KLF16: variants seen among roughly 807,000 people sequenced by gnomAD.
KLF16 encodes the protein Krueppel-like factor 16.
KLF16 carries 6 observed loss-of-function variants against 6.1 expected under a neutral mutation model. That is an observed-to-expected ratio of 0.98 (90% confidence interval 0.54 to 1.93). The LOEUF (loss-of-function observed/expected upper bound fraction) is 1.93, where lower values mean the gene tolerates loss of function less well. Ranked by LOEUF, KLF16 falls within the 30% of genes most tolerant of loss-of-function variation. The probability of loss-of-function intolerance (pLI) is 0.01; values close to 1 mark genes in which losing one functional copy is unlikely to be tolerated. For missense variants in KLF16, 355 were observed against 363.8 expected (o/e 0.98, Z 0.20); for synonymous variants, 211 against 176.5 (o/e 1.20, Z -1.55).
chr19:1,875,092 C>G, the KLF16 span: 1 of 152,322 alleles, frequency 6.6e-6, no homozygotes, highest in African/African-American at 2.4e-5. Context: ...CCGGCCCCCT[C>G]TTATGCTGGT....
rs555508014 is a variant in KLF16 at position 1,854,153 on chromosome 19, G to T, written c.*306C>A. ...CCCCACCCCGGGAGGGGGGCAGCAGGGGGTGGTGGAGAGGAGAGGGGAGGA... is the reference window on the plus strand; with the variant it reads ...CCCCACCCCGGGAGGGGGGCAGCAGTGGGTGGTGGAGAGGAGAGGGGAGGA... On this transcript the variant is annotated 3_prime_UTR_variant, in exon 2 of 2. Coordinates refer to ENST00000250916, the MANE Select transcript of KLF16 (RefSeq NM_031918.4). 2 of 332,782 alleles carry T rather than the reference G, an allele frequency of 6.0e-6. No homozygotes were observed. The highest frequency in any genetic ancestry group is 5.0e-5 in the Admixed American group (1 of 19,944). The allele number at this position is 332,782 out of a possible 1,614,324, so 20.6% of individuals were successfully genotyped here. A position where few individuals can be genotyped will look rare whatever the true frequency, so the allele number is the denominator to read the frequency against.
chr19:1,856,811 G>A (rs1422908919), intron 1 of KLF16, among the ~76,000 whole-genome samples: 1 of 152,198 alleles, frequency 6.6e-6, no homozygotes, highest in African/African-American at 2.4e-5. Context: ...GGCACAGGCG[G>A]GGAGGCGGCA....
intron 1 of KLF16, among the ~76,000 whole-genome samples, chr19:1,855,236 C>T (rs1453944953): frequency 6.6e-6 from 1 of 152,224 alleles, no homozygotes; most frequent in Non-Finnish European, 1.5e-5. Context: ...TGATCCCCTC[C>T]TTTTCCAAAT....
chr19:1,871,669 G>T, the KLF16 span, among the ~76,000 whole-genome samples: 7 of 152,140 alleles, frequency 4.6e-5, no homozygotes, highest in Non-Finnish European at 1.0e-4. Flanking sequence ...TGGGGGGCGG[G>T]GGGGCAGCTG....
At chr19:1,870,457 A>C in the KLF16 span, among the ~76,000 whole-genome samples, 1 of 151,964 alleles carries the variant, frequency 6.6e-6, no homozygotes, top group Non-Finnish European at 1.5e-5. Context: ...GAATCGCTTA[A>C]GGCCAGGAGT....
upstream of KLF16, among the ~76,000 whole-genome samples, chr19:1,868,351 C>T (rs553469942): frequency 2.6e-5 from 4 of 151,654 alleles, no homozygotes; most frequent in Admixed American, 2.0e-4. Context: ...GTCAGGGTCT[C>T]GGCGACCCCT....
chr19:1,855,600 G>A (rs910970524), intron 1 of KLF16, among the ~76,000 whole-genome samples: 9 of 152,254 alleles, frequency 5.9e-5, no homozygotes, highest in African/African-American at 1.9e-4. Flanking sequence ...GTCACCATCT[G>A]GGCCTGCCTG....
chr19:1,866,635 C>T (rs1178193810), upstream of KLF16, among the ~76,000 whole-genome samples: 7 of 149,352 alleles, frequency 4.7e-5, 1 homozygote, highest in South Asian at 1.1e-3. Context: ...AATTAGCGGG[C>T]GCAGTGGCCT....
upstream of KLF16, among the ~76,000 whole-genome samples, chr19:1,864,381 C>A (rs1051286066): frequency 6.6e-6 from 1 of 152,210 alleles, no homozygotes; most frequent in Non-Finnish European, 1.5e-5. Flanking sequence ...CTCACAGAGC[C>A]CCTCGGAGCC....
In KLF16 at chr19:1,863,107, A is replaced by G; in HGVS notation, c.391T>C (p.Phe131Leu). 7.2e-7 allele frequency: 1 copy of G among 1,393,332 alleles called. No homozygotes were observed. The highest frequency in any genetic ancestry group is 9.5e-7 in the Non-Finnish European group (1 of 1,054,676). 86.3% of individuals were successfully genotyped at this position (1,393,332 alleles called of 1,614,324 possible). A position where few individuals can be genotyped will look rare whatever the true frequency, so the allele number is the denominator to read the frequency against. The stretch of plus-strand genomic sequence containing the variant: ...TAGTAGGCTTTGGCGCAGTCCGGGA[A>G]GGGACAGCGGTGGCTCTTGGCGGCG... The part of the protein sequence containing the change: ...SAAAKSHRCP[F>L]PDCAKAYYKS... The change falls in exon 1 of 2, where the codon TTC becomes CTC. Residue 131 changes from phenylalanine (F) to leucine (L), a missense_variant. Physicochemically the swap from Phe to Leu is conservative, Grantham distance 22 (BLOSUM62 0). Coordinates refer to ENST00000250916, the MANE Select transcript of KLF16 (RefSeq NM_031918.4).
the KLF16 span, chr19:1,875,265 C>T: frequency 5.9e-5 from 9 of 152,308 alleles, no homozygotes; most frequent in South Asian, 1.7e-3. Flanking sequence ...CAGCAAAAAC[C>T]CTAAATTTCT....
chr19:1,871,200 G>A, the KLF16 span, among the ~76,000 whole-genome samples: 1 of 152,178 alleles, frequency 6.6e-6, no homozygotes, highest in African/African-American at 2.4e-5. Flanking sequence ...TCACAGTAAA[G>A]CCTGTGCCCC....
chr19:1,870,963 T>C, the KLF16 span, among the ~76,000 whole-genome samples: 1 of 152,136 alleles, frequency 6.6e-6, no homozygotes, highest in East Asian at 1.9e-4. Context: ...GCCACTGCAC[T>C]CCGGCCTGGG....
chr19:1,853,862 G>A lies in KLF16; in HGVS notation c.*597C>T, dbSNP rs1476556071. On this transcript the variant is annotated 3_prime_UTR_variant, in exon 2 of 2. Transcript: ENST00000250916. ...ACTCCTGGCTCTACCCCCGAGGTCT[G>A]GGGGGCCAGGCAGCCCCTACCGTGG... 1 of 152,680 alleles carries A rather than the reference G, an allele frequency of 6.5e-6. No homozygotes were observed. The highest frequency in any genetic ancestry group is 1.9e-4 in the East Asian group (1 of 5,194). 9.5% of individuals were successfully genotyped at this position (152,680 alleles called of 1,614,324 possible). A position where few individuals can be genotyped will look rare whatever the true frequency, so the allele number is the denominator to read the frequency against.
chr19:1,862,969 T>G, intron 1 of KLF16, 72 bp downstream of exon 1: 99 of 907,336 alleles, frequency 1.1e-4, no homozygotes, highest in Non-Finnish European at 1.3e-4. Flanking sequence ...CGCCACGCAG[T>G]TTCGGGGTCC....
intron 1 of KLF16, among the ~76,000 whole-genome samples, chr19:1,859,325 C>CA (rs1217849157): frequency 1.3e-5 from 2 of 152,082 alleles, no homozygotes; most frequent in African/African-American, 4.8e-5. Flanking sequence ...GGCACTCAGA[C>CA]ACTCCTCTGC....
At chr19:1,862,469 C>G (rs1055160200) in intron 1 of KLF16, among the ~76,000 whole-genome samples, 8 of 152,100 alleles carry the variant, frequency 5.3e-5, no homozygotes, top group African/African-American at 1.9e-4. Flanking sequence ...CGCTCCTAGC[C>G]TCGCCCTCCC....
Position 1,854,558 on chromosome 19 carries a change from A to G in KLF16, c.660T>C (p.Pro220=), listed in dbSNP as rs3746045. The G allele has an allele frequency of 0.26, 404,250 of 1,567,310 alleles. 59,909 individuals are homozygous for G. Among genetic ancestry groups the G allele is most frequent in the African/African-American group, 0.62 (45,514 of 73,384 alleles). ...PGFHPDLLRR[P]GARSTSPSDS... is the part of the protein sequence containing the mutation. ...CGCTGGGGGAGGTACTGCGGGCACCAGGGCGCCGGAGCAGGTCCGGGTGGA... is the reference window on the plus strand; with the variant it reads ...CGCTGGGGGAGGTACTGCGGGCACCGGGGCGCCGGAGCAGGTCCGGGTGGA... Residue 220 remains proline, a synonymous_variant, in exon 2 of 2, where the codon CCT becomes CCC. Transcript: ENST00000250916.
chr19:1,870,803 T>C, the KLF16 span, among the ~76,000 whole-genome samples: 2 of 151,982 alleles, frequency 1.3e-5, no homozygotes, highest in Non-Finnish European at 2.9e-5. Flanking sequence ...TCAGACCAGC[T>C]TGGCCAACAT....
Sources: allele counts gnomAD v4.1 joint callset (sites outside exome capture counted in the v4.1 genomes callset), GRCh38; gene constraint gnomAD v4.1.1; transcripts MANE v1.5; gene names NCBI Gene and HGNC (gene_info 2026-07-23, HGNC 2026-07-21).